NDRG3: variants seen among roughly 807,000 people sequenced by gnomAD.
NDRG3 encodes the protein protein NDRG3.
In NDRG3, 23 loss-of-function variants were observed where a neutral mutation model predicts 57.2. That is an observed-to-expected ratio of 0.40 (90% CI 0.29 to 0.57). The LOEUF is 0.57. Among genes scored for constraint, NDRG3 ranks in the 20% least tolerant of loss-of-function variants. NDRG3 has a pLI of 0.42. For synonymous variants in NDRG3, 132 were observed against 162.6 expected (o/e 0.81, Z 1.43); for missense variants, 384 against 457.3 (o/e 0.84, Z 1.46).
intron 2 of NDRG3, among the ~76,000 whole-genome samples, chr20:36,719,132 A>T (rs939009229): frequency 6.6e-6 from 1 of 152,108 alleles, no homozygotes; most frequent in African/African-American, 2.4e-5. Flanking sequence ...AATGGAGGTT[A>T]AAAAAGCGTG....
chr20:36,677,800 T>C (rs1980892122), intron 8 of NDRG3, among the ~76,000 whole-genome samples: 1 of 152,176 alleles, frequency 6.6e-6, no homozygotes, highest in South Asian at 2.1e-4. Context: ...ACCCTTCACT[T>C]GTCTGTGTAC....
At chr20:36,696,166 G>A (rs6071933) in intron 3 of NDRG3, among the ~76,000 whole-genome samples, 70 of 151,824 alleles carry the variant, frequency 4.6e-4, no homozygotes, top group Non-Finnish European at 8.5e-4. Context: ...GTGTGATCTC[G>A]GCTCACTGCA....
intron 1 of NDRG3, among the ~76,000 whole-genome samples, 187 bp downstream of exon 1, chr20:36,745,858 A>T (rs1476450102): frequency 1.7e-5 from 2 of 116,888 alleles, no homozygotes; most frequent in Non-Finnish European, 3.5e-5. Context: ...AGCCGGGCTG[A>T]CCTGGGTCCG....
intron 1 of NDRG3, among the ~76,000 whole-genome samples, chr20:36,729,482 A>G (rs1985144908): frequency 6.6e-6 from 1 of 152,108 alleles, no homozygotes; most frequent in African/African-American, 2.4e-5. Context: ...AGATGGAGAT[A>G]ATCTGAGGTG....
chr20:36,655,864 G>A (rs1479500730), intron 15 of NDRG3, among the ~76,000 whole-genome samples: 3 of 152,070 alleles, frequency 2.0e-5, no homozygotes, highest in Non-Finnish European at 2.9e-5. Flanking sequence ...GGTTGGGCAC[G>A]GTAGCTCACG....
chr20:36,733,159 AAAAAAAAAAAAAATAT>A lies in NDRG3; in HGVS notation c.-48-11392_-48-11377del, dbSNP rs1460142340. 3.6e-3 allele frequency among the ~76,000 whole-genome samples: 168 copies of A among 46,892 alleles called. 1 individual carries two copies. Among genetic ancestry groups the A allele is most frequent in the African/African-American group, 0.019 (157 of 8,330 alleles). The allele number at this position is 46,892 out of a possible 152,430, so 30.8% of individuals were successfully genotyped here. A position where few individuals can be genotyped will look rare whatever the true frequency, so the allele number is the denominator to read the frequency against. On this transcript the variant is annotated intron_variant, in intron 1 of 15. Transcript: ENST00000349004. ...ACGATCCTGTCTCAAAAAAAAAAAA[AAAAAAAAAAAAAATAT>A]ATATATATATATATATATATATATA... is the stretch of plus-strand genomic sequence containing the variant.
At chr20:36,696,579 C>T (rs1982806038) in intron 3 of NDRG3, among the ~76,000 whole-genome samples, 1 of 150,702 alleles carries the variant, frequency 6.6e-6, no homozygotes, top group South Asian at 2.1e-4. Flanking sequence ...CTGAAATCCC[C>T]ACCTCCCGGG....
chr20:36,676,186 G>A (rs1345107800), intron 8 of NDRG3, among the ~76,000 whole-genome samples: 35 of 151,968 alleles, frequency 2.3e-4, no homozygotes, highest in Admixed American at 2.3e-3. Flanking sequence ...CTTGCAGTGA[G>A]CCGAGATAGT....
At chr20:36,681,635 CAA>C (rs1208145183) in intron 7 of NDRG3, among the ~76,000 whole-genome samples, 22 of 79,484 alleles carry the variant, frequency 2.8e-4, no homozygotes, top group African/African-American at 3.4e-4. Flanking sequence ...GACTTCATCT[CAA>C]AAAAAAAAAA....
At chr20:36,744,784 T>C (rs1021842498) in intron 1 of NDRG3, among the ~76,000 whole-genome samples, 12 of 152,304 alleles carry the variant, frequency 7.9e-5, no homozygotes, top group Non-Finnish European at 1.5e-4. Flanking sequence ...AATACTGAAA[T>C]GTTCAAGCCC....
At position 36,653,231 on chromosome 20, in the gene NDRG3, T is replaced by G; in HGVS notation, c.*289A>C. The G allele has an allele frequency of 3.3e-6, 1 of 303,586 alleles. No individual in the cohort carries two copies. The highest frequency in any genetic ancestry group is 6.1e-6 in the Non-Finnish European group (1 of 163,510). The allele number at this position is 303,586 out of a possible 1,614,324, so 18.8% of individuals were successfully genotyped here. On this transcript the variant is annotated 3_prime_UTR_variant, in exon 16 of 16. Transcript: ENST00000349004. The surrounding 1 kb of genome is among the most constrained non-coding windows in gnomAD (Gnocchi z 4.2). ...AGAGTCGGGATCAAAGAATCTTATC[T>G]GATACATAGTTGGGGGAGCACGGGA...
rs969770920 is a variant in NDRG3 at position 36,666,489 on chromosome 20, C to T, written c.589-97G>A. 2.7e-5 allele frequency: 23 copies of T among 857,060 alleles called. 1 individual carries two copies. The highest frequency in any genetic ancestry group is 2.0e-4 in the African/African-American group (12 of 60,284). The allele number at this position is 857,060 out of a possible 1,614,324, so 53.1% of individuals were successfully genotyped here. Reference sequence around the variant, plus strand: ...TTTCATTACCACAAGCCAAATCGTGCGGCTCATGATGGGAACTGGGGCAGA... The same window carrying T: ...TTTCATTACCACAAGCCAAATCGTGTGGCTCATGATGGGAACTGGGGCAGA... On this transcript the variant is annotated intron_variant, in intron 9 of 15. Transcript: ENST00000349004.
chr20:36,688,141 C>T (rs777055367), intron 4 of NDRG3, among the ~76,000 whole-genome samples: 25 of 152,256 alleles, frequency 1.6e-4, no homozygotes, highest in Non-Finnish European at 1.0e-4. Context: ...AGCTTTAACA[C>T]TCAACTGTGG....
chr20:36,719,557 A>G (rs1263423959), intron 2 of NDRG3, among the ~76,000 whole-genome samples: 1 of 152,128 alleles, frequency 6.6e-6, no homozygotes, highest in Non-Finnish European at 1.5e-5. Context: ...TCAAAAGCAA[A>G]TTAGTAAGCA....
At chr20:36,680,064 T>G (rs566338340) in intron 8 of NDRG3, among the ~76,000 whole-genome samples, 1 of 151,550 alleles carries the variant, frequency 6.6e-6, no homozygotes, top group South Asian at 2.1e-4. Flanking sequence ...CCTCAGGTGA[T>G]CTTCCCGCCT....
chr20:36,697,396 C>A (rs1982882183), intron 3 of NDRG3, among the ~76,000 whole-genome samples: 3 of 152,042 alleles, frequency 2.0e-5, no homozygotes, highest in Admixed American at 6.6e-5. Context: ...AAGAATAGGG[C>A]ACTTTTGTCT....
At chr20:36,724,939 A>C (rs1984830903) in intron 1 of NDRG3, among the ~76,000 whole-genome samples, 1 of 151,942 alleles carries the variant, frequency 6.6e-6, no homozygotes, top group Non-Finnish European at 1.5e-5. Context: ...AAAAATTTAA[A>C]AACAAAACAA....
At chr20:36,721,133 T>A (rs1401570788) in intron 2 of NDRG3, among the ~76,000 whole-genome samples, 1 of 151,936 alleles carries the variant, frequency 6.6e-6, no homozygotes, top group East Asian at 1.9e-4. Context: ...AGCATCTCTA[T>A]CTGTAAAATA....
chr20:36,711,547 T>G (rs970621900), intron 2 of NDRG3, among the ~76,000 whole-genome samples: 23 of 152,118 alleles, frequency 1.5e-4, no homozygotes, highest in African/African-American at 5.6e-4. Context: ...AATTCTCCCT[T>G]CTTACAATGA....
Sources: gnomAD v4.1 joint callset for allele counts (sites outside exome capture counted in the v4.1 genomes callset) on GRCh38, gnomAD v4.1.1 for gene constraint, Gnocchi (gnomAD v3.1) non-coding constraint, MANE v1.5 for transcripts, NCBI Gene and HGNC (gene_info 2026-07-23, HGNC 2026-07-21) for gene names.